Variants in STAMBP observed in about 807,000 individuals in gnomAD.
STAMBP encodes STAM binding protein.
Under a neutral mutation model 50.7 loss-of-function variants are expected in STAMBP, and 31 were observed. That is an observed-to-expected ratio of 0.61 (90% CI 0.46 to 0.83). The LOEUF (loss-of-function observed/expected upper bound fraction) is 0.83. STAMBP is among the 40% of genes least tolerant of loss of function. The probability of loss-of-function intolerance (pLI) is 0.00; values close to 1 mark genes in which losing one functional copy is unlikely to be tolerated. For synonymous variants in STAMBP, 211 were observed against 192.4 expected (o/e 1.10, Z -0.80); for missense variants, 472 against 518.9 (o/e 0.91, Z 0.88).
At chr2:73,851,734 G>A (rs958119206) in intron 7 of STAMBP, among the ~76,000 whole-genome samples, 1 of 151,866 alleles carries the variant, frequency 6.6e-6, no homozygotes, top group African/African-American at 2.4e-5. Context: ...CCACCTCCCG[G>A]ATTCAAGCGA....
intron 7 of STAMBP, among the ~76,000 whole-genome samples, chr2:73,852,916 A>G (rs1169095019): frequency 2.5e-5 from 2 of 81,264 alleles, no homozygotes; most frequent in African/African-American, 5.8e-5. Context: ...TATGTTGGCC[A>G]GGTGTGTGTG....
rs775092080 is a variant in STAMBP at position 73,859,290 on chromosome 2, G to A, written c.1042G>A (p.Asp348Asn). 6 of 1,613,958 alleles carry A rather than the reference G, an allele frequency of 3.7e-6. No homozygotes were observed. The highest frequency in any genetic ancestry group is 3.3e-5 in the South Asian group (3 of 91,060). Residue 348 changes from aspartate to asparagine, a missense_variant, in exon 8 of 10, where the codon GAC becomes AAC. By Grantham distance (23) the Asp-to-Asn change is conservative. Transcript: ENST00000394070. ...ACAGACCGCGTTTCTCTCCAGTGTC[G>A]ACCTACACACTCACTGCTCTTACCA... is the stretch of plus-strand genomic sequence containing the variant. ...PTQTAFLSSV[D>N]LHTHCSYQMM... is the part of the protein sequence containing the mutation.
intron 2 of STAMBP, among the ~76,000 whole-genome samples, chr2:73,842,719 A>G (rs1257765508): frequency 6.6e-6 from 1 of 152,152 alleles, no homozygotes; most frequent in African/African-American, 2.4e-5. Context: ...ATTTCCAAGA[A>G]CCTATCAACA....
Position 73,859,287 on chromosome 2 carries a change from G to A in STAMBP, c.1039G>A (p.Val347Ile). The A allele has an allele frequency of 6.2e-7, 1 of 1,613,756 alleles. No individual in the cohort carries two copies. Among genetic ancestry groups the A allele is most frequent in the Non-Finnish European group, 8.5e-7 (1 of 1,179,908 alleles). Residue 347 changes from valine to isoleucine, a missense_variant, in exon 8 of 10, where the codon GTC (valine) becomes ATC (isoleucine). Val to Ile is a conservative substitution (Grantham distance 29, BLOSUM62 3). Coordinates refer to ENST00000394070, the MANE Select transcript of STAMBP (RefSeq NM_213622.4). ...HPTQTAFLSS[V>I]DLHTHCSYQM... ...CACACAGACCGCGTTTCTCTCCAGT[G>A]TCGACCTACACACTCACTGCTCTTA...
At chr2:73,840,492 C>G (rs184227416) in intron 2 of STAMBP, among the ~76,000 whole-genome samples, 30 of 151,584 alleles carry the variant, frequency 2.0e-4, no homozygotes, top group African/African-American at 7.3e-4. Context: ...GCCTGTAATC[C>G]CAGCATTTCG....
Position 73,847,440 on chromosome 2 carries a change from A to G in STAMBP, c.429A>G (p.Glu143=). The change falls in exon 5 of 10, where the codon GAA becomes GAG. Residue 143 remains glutamate, a synonymous_variant. Coordinates refer to ENST00000394070, the MANE Select transcript of STAMBP (RefSeq NM_213622.4). ...ACATGGCCATCCAGCAAGAGCTGGA[A>G]AAGGAAAAACAGAGGGTAGCACAAC... The part of the protein sequence containing the change: ...ARNMAIQQEL[E]KEKQRVAQQK... 1 of 1,613,646 alleles carries G rather than the reference A, an allele frequency of 6.2e-7. No homozygotes were observed. The highest frequency in any genetic ancestry group is 8.5e-7 in the Non-Finnish European group (1 of 1,179,644).
Position 73,852,911 on chromosome 2 carries a change from T to A in STAMBP, c.1005+2398T>A, listed in dbSNP as rs1167858656. 5.8e-4 allele frequency among the ~76,000 whole-genome samples: 81 copies of A among 138,942 alleles called. 2 individuals are homozygous for A. Among genetic ancestry groups the A allele is most frequent in the Admixed American group, 5.8e-3 (81 of 13,938 alleles). 91.2% of individuals were successfully genotyped at this position (138,942 alleles called of 152,430 possible). On this transcript the variant is annotated intron_variant, in intron 7 of 9. Coordinates refer to ENST00000394070, the MANE Select transcript of STAMBP (RefSeq NM_213622.4). ...TTTAGTAGACTGGGTTTCACTATGTTGGCCAGGTGTGTGTGTGTGTGTGTG... is the reference window on the plus strand; with the variant it reads ...TTTAGTAGACTGGGTTTCACTATGTAGGCCAGGTGTGTGTGTGTGTGTGTG...
chr2:73,847,174 T>A (rs1392068127), intron 4 of STAMBP, among the ~76,000 whole-genome samples: 1 of 151,996 alleles, frequency 6.6e-6, no homozygotes, highest in Admixed American at 6.6e-5. Flanking sequence ...ATTTTAATTG[T>A]CCTTGGAGAT....
chr2:73,842,468 T>C (rs1219431339), intron 2 of STAMBP, among the ~76,000 whole-genome samples: 1 of 152,216 alleles, frequency 6.6e-6, no homozygotes, highest in Non-Finnish European at 1.5e-5. Flanking sequence ...TGGGATGGAC[T>C]CTGGCCACCT....
intron 9 of STAMBP, among the ~76,000 whole-genome samples, chr2:73,861,576 T>C (rs2104703229): frequency 6.6e-6 from 1 of 152,066 alleles, no homozygotes; most frequent in South Asian, 2.1e-4. Context: ...TGGAGTGCAG[T>C]GGTATGATCT....
chr2:73,867,752 T>A (rs1275354719), downstream of STAMBP, among the ~76,000 whole-genome samples: 1 of 152,112 alleles, frequency 6.6e-6, no homozygotes. Flanking sequence ...AATCAAAAGA[T>A]ATGAATTAAG....
In STAMBP at chr2:73,830,754, C is replaced by A. The variant is rs1361683398; in HGVS notation, c.-12-91C>A. 4 of 937,088 alleles carry A rather than the reference C, an allele frequency of 4.3e-6. No individual in the cohort carries two copies. The South Asian group carries it at 5.0e-5, about 12-fold the overall frequency. 58.0% of individuals were successfully genotyped at this position (937,088 alleles called of 1,614,324 possible). A position where few individuals can be genotyped will look rare whatever the true frequency, so the allele number is the denominator to read the frequency against. On this transcript the variant is annotated intron_variant, in intron 1 of 9. Transcript: ENST00000394070. ...ATTTGGTATGTTTCTCTTATATTTTCTTCTTAAGGTAGAGGTCTGTGAGAT... is the reference window on the plus strand; with the variant it reads ...ATTTGGTATGTTTCTCTTATATTTTATTCTTAAGGTAGAGGTCTGTGAGAT...
Position 73,849,455 on chromosome 2 carries a change from G to T in STAMBP, c.835G>T (p.Val279Leu). The stretch of plus-strand genomic sequence containing the variant: ...AGCCAGTGCCAACACTGCCCGGGGA[G>T]TGGAGACATGTGGAATTCTCTGTGG... ...QLASANTARG[V>L]ETCGILCGKL... Residue 279 changes from valine to leucine, a missense_variant, in exon 6 of 10, where the codon GTG becomes TTG. By Grantham distance (32) the Val-to-Leu change is conservative. Coordinates refer to ENST00000394070, the MANE Select transcript of STAMBP (RefSeq NM_213622.4). The T allele has an allele frequency of 6.2e-7, 1 of 1,610,184 alleles. No homozygotes were observed. The highest frequency in any genetic ancestry group is 1.1e-5 in the South Asian group (1 of 90,408).
rs1344173384 is a variant in STAMBP, at chr2:73,854,756, G to T, written c.1005+4243G>T. On this transcript the variant is annotated intron_variant, in intron 7 of 9. Coordinates refer to ENST00000394070, the MANE Select transcript of STAMBP (RefSeq NM_213622.4). The stretch of plus-strand genomic sequence containing the variant: ...TAATCCCAGAACTTTGGGAGGCCAA[G>T]GTGGGAGGATCACTTGAGGCCAGGA... Among the ~76,000 whole-genome samples the T allele has an allele frequency of 2.0e-5, 3 of 152,272 alleles. No homozygotes were observed. In the East Asian group the frequency reaches 5.8e-4, roughly 29 times the overall value.
intron 7 of STAMBP, among the ~76,000 whole-genome samples, chr2:73,854,377 T>C (rs1324321044): frequency 2.6e-5 from 4 of 152,250 alleles, no homozygotes; most frequent in African/African-American, 9.6e-5. Context: ...CAGGTAGAAC[T>C]TAGCTACAAA....
Position 73,847,808 on chromosome 2 carries a change from T to C in STAMBP, c.742+55T>C. The C allele has an allele frequency of 2.6e-6, 4 of 1,559,562 alleles. No individual in the cohort carries two copies. In the South Asian group the frequency reaches 3.7e-5, roughly 14 times the overall value. ...TCTCAGTTGCAGCCAAACAGTATCA[T>C]TCTGACGGGGTCAACCTAAGATTAC... On this transcript the variant is annotated intron_variant, in intron 5 of 9. Transcript: ENST00000394070.
intron 7 of STAMBP, among the ~76,000 whole-genome samples, chr2:73,851,586 G>C (rs1025366391): frequency 6.6e-6 from 1 of 152,116 alleles, no homozygotes; most frequent in Admixed American, 6.5e-5. Flanking sequence ...CTGGAGCACT[G>C]GGGGGACCAG....
intron 2 of STAMBP, among the ~76,000 whole-genome samples, chr2:73,837,497 A>G (rs1674852622): frequency 6.9e-6 from 1 of 144,184 alleles, no homozygotes; most frequent in Admixed American, 7.1e-5. Flanking sequence ...AGGCAGGAGA[A>G]TGGCGTGAAC....
intron 7 of STAMBP, among the ~76,000 whole-genome samples, chr2:73,854,029 T>G (rs922609755): frequency 6.6e-6 from 1 of 152,210 alleles, no homozygotes; most frequent in Non-Finnish European, 1.5e-5. Flanking sequence ...TTTCTGAACA[T>G]GTTCTTATGC....
Sources: allele counts gnomAD v4.1 joint callset (sites outside exome capture counted in the v4.1 genomes callset), GRCh38; gene constraint gnomAD v4.1.1; transcripts MANE v1.5; gene names NCBI Gene and HGNC (gene_info 2026-07-23, HGNC 2026-07-21).